The following DST variants were observed in gnomAD, a reference collection of about 807,000 sequenced individuals.
The protein encoded by DST is bullous pemphigoid antigen.
In DST, 253 loss-of-function variants were observed where a neutral mutation model predicts 875.2. The ratio of observed to expected loss-of-function variants is 0.29; its 90% CI spans 0.26 to 0.32. DST has a LOEUF of 0.32. DST is among the 10% of genes least tolerant of loss of function. The pLI is 1.00. For missense variants in DST, 8,287 were observed against 9,111.6 expected (o/e 0.91, Z 3.68); for synonymous variants, 3,124 against 3,197.1 (o/e 0.98, Z 0.77).
chr6:56,889,515 C>G (rs1309947610), intron 3 of DST, among the ~76,000 whole-genome samples: 1 of 152,162 alleles, frequency 6.6e-6, no homozygotes, highest in Non-Finnish European at 1.5e-5. Context: ...GGAGAACAAG[C>G]TGCAGCTTTG....
chr6:56,870,593 T>C (rs1776593783), intron 3 of DST, among the ~76,000 whole-genome samples: 1 of 152,074 alleles, frequency 6.6e-6, no homozygotes, highest in South Asian at 2.1e-4. Flanking sequence ...TGAAACCCTG[T>C]CTCTACTAAA....
rs941009737 is a variant in DST, at chr6:56,610,440, T to C, written c.5270A>G (p.Lys1757Arg). The C allele has an allele frequency of 6.4e-7, 1 of 1,559,698 alleles. No homozygotes were observed. The highest frequency in any genetic ancestry group is 8.7e-7 in the Non-Finnish European group (1 of 1,151,024). The change falls in exon 39 of 104, where the codon AAG becomes AGG. Residue 1757 changes from lysine (K) to arginine (R), a missense_variant. Coordinates refer to ENST00000680361, the MANE Select transcript of DST (RefSeq NM_001374736.1). ...LQESQTSGDV[K>R]VEEKLDKVIA... ...AAATAATATTACCTTCTCCTCTACCTTTACATCTCCTGAGGTTTGTGATTC... is the reference window on the plus strand; with the variant it reads ...AAATAATATTACCTTCTCCTCTACCCTTACATCTCCTGAGGTTTGTGATTC...
rs1257351572 is a variant in DST, at chr6:56,459,183, G to T, written c.23279C>A (p.Ala7760Glu). 2 of 1,613,838 alleles carry T rather than the reference G, an allele frequency of 1.2e-6. No homozygotes were observed. Among genetic ancestry groups the T allele is most frequent in the African/African-American group, 1.3e-5 (1 of 74,908 alleles). ...SRASSRRGSDASDFDISEIQS... is the reference protein window; with the variant it reads ...SRASSRRGSDESDFDISEIQS... Reference sequence around the variant, plus strand: ...GATTTCTGAAATGTCAAAGTCTGATGCATCACTGCCTCGGCGGCTGCTGGC... The same window carrying T: ...GATTTCTGAAATGTCAAAGTCTGATTCATCACTGCCTCGGCGGCTGCTGGC... Residue 7760 changes from alanine to glutamate, a missense_variant, in exon 104 of 104, where the codon GCA becomes GAA. Coordinates refer to ENST00000680361, the MANE Select transcript of DST (RefSeq NM_001374736.1).
intron 4 of DST, among the ~76,000 whole-genome samples, chr6:56,805,825 A>T (rs2099752366): frequency 6.6e-6 from 1 of 152,246 alleles, no homozygotes; most frequent in Non-Finnish European, 1.5e-5. Flanking sequence ...ACCAATACTG[A>T]ATACAATGTA....
intron 61 of DST, among the ~76,000 whole-genome samples, chr6:56,539,624 A>T (rs890315042): frequency 1.3e-5 from 2 of 152,218 alleles, no homozygotes; most frequent in African/African-American, 4.8e-5. Flanking sequence ...GTACCAAAAC[A>T]GCTGAACTTC....
At chr6:56,882,713 A>T (rs1782785815) in intron 3 of DST, among the ~76,000 whole-genome samples, 1 of 152,234 alleles carries the variant, frequency 6.6e-6, no homozygotes. Flanking sequence ...CCATCATCAA[A>T]ATTTCATGAG....
chr6:56,663,440 C>A (rs1031567998), intron 10 of DST, among the ~76,000 whole-genome samples: 2 of 152,214 alleles, frequency 1.3e-5, no homozygotes, highest in African/African-American at 4.8e-5. Context: ...CAGCCCATGG[C>A]CATGTGTATG....
chr6:56,633,156 T>C, intron 27 of DST, 119 bp from the exon 28 acceptor site: 1 of 811,976 alleles, frequency 1.2e-6, no homozygotes, highest in East Asian at 2.5e-5. Flanking sequence ...AATAGGAACA[T>C]TTGAAATTAA....
intron 4 of DST, among the ~76,000 whole-genome samples, chr6:56,783,196 T>C (rs1214712215): frequency 6.6e-6 from 1 of 152,218 alleles, no homozygotes; most frequent in East Asian, 1.9e-4. Context: ...AAAATGTATA[T>C]TCTGTTGATT....
At chr6:56,888,054 G>A (rs1332604770) in intron 3 of DST, among the ~76,000 whole-genome samples, 1 of 151,170 alleles carries the variant, frequency 6.6e-6, no homozygotes, top group Non-Finnish European at 1.5e-5. Context: ...GGGTTCAAGC[G>A]ATTCTCCTGC....
chr6:56,460,277 C>T (rs1262389430), intron 102 of DST, 23 bp from the exon 103 acceptor site: 1 of 1,613,516 alleles, frequency 6.2e-7, no homozygotes, highest in African/African-American at 1.3e-5. Flanking sequence ...AGCAACAAGA[C>T]ATTTCAAAAT....
chr6:56,670,870 T>C, intron 9 of DST, 63 bp from the exon 10 acceptor site: 2 of 1,135,630 alleles, frequency 1.8e-6, no homozygotes, highest in Middle Eastern at 2.0e-4. Flanking sequence ...ATTAAGAACC[T>C]ACTATGTGCC....
intron 2 of DST, among the ~76,000 whole-genome samples, chr6:56,935,702 C>T (rs1445713580): frequency 6.6e-6 from 1 of 152,160 alleles, no homozygotes; most frequent in South Asian, 2.1e-4. Flanking sequence ...CCAAAGTGGG[C>T]GGATCACGAG....
chr6:56,694,216 T>TAAA (rs10660963), intron 9 of DST, among the ~76,000 whole-genome samples: 1,416 of 138,464 alleles, frequency 0.01, 29 homozygotes, highest in African/African-American at 0.035. Flanking sequence ...ATAGATATGG[T>TAAA]AAAAAAAAAA....
chr6:56,885,883 C>T (rs1304790097), intron 3 of DST, among the ~76,000 whole-genome samples: 1 of 152,186 alleles, frequency 6.6e-6, no homozygotes, highest in Non-Finnish European at 1.5e-5. Context: ...AGTGTCTGAT[C>T]CCCATCGATC....
intron 4 of DST, among the ~76,000 whole-genome samples, chr6:56,832,433 A>G (rs2099788238): frequency 6.6e-6 from 1 of 152,092 alleles, no homozygotes; most frequent in African/African-American, 2.4e-5. Context: ...CCATCCATGT[A>G]AGACGTGACT....
chr6:56,542,542 C>T (rs1476391041), intron 61 of DST: 1 of 152,034 alleles, frequency 6.6e-6, no homozygotes, highest in Non-Finnish European at 1.5e-5. Context: ...TCCGCGGCTT[C>T]CTCTAAGGCA....
chr6:56,654,449 G>A (rs1362929855), intron 10 of DST, among the ~76,000 whole-genome samples: 1 of 151,970 alleles, frequency 6.6e-6, no homozygotes, highest in African/African-American at 2.4e-5. Flanking sequence ...ATGCAAGCTT[G>A]GTGCCCTGAA....
At chr6:56,945,192 A>C (rs1314670343) in intron 2 of DST, among the ~76,000 whole-genome samples, 1 of 152,236 alleles carries the variant, frequency 6.6e-6, no homozygotes, top group East Asian at 1.9e-4. Flanking sequence ...AGAAGTTTTA[A>C]TAATTAATTT....
Sources: allele counts gnomAD v4.1 joint callset (sites outside exome capture counted in the v4.1 genomes callset), GRCh38; gene constraint gnomAD v4.1.1; transcripts MANE v1.5; gene names NCBI Gene and HGNC (gene_info 2026-07-23, HGNC 2026-07-21).